NRXN1: variants seen among roughly 807,000 people sequenced by gnomAD.
The protein encoded by NRXN1 is neurexin 1.
NRXN1 carries 39 observed loss-of-function variants against 150.9 expected under a neutral mutation model. The ratio of observed to expected loss-of-function variants is 0.26; its 90% CI spans 0.20 to 0.34. The LOEUF (loss-of-function observed/expected upper bound fraction) is 0.34, where lower values mean the gene tolerates loss of function less well. NRXN1 is among the 10% of genes least tolerant of loss of function. The probability of loss-of-function intolerance (pLI) is 1.00; values close to 1 mark genes in which losing one functional copy is unlikely to be tolerated. For synonymous variants in NRXN1, 924 were observed against 757.0 expected, an observed-to-expected ratio of 1.22 and a Z score of -3.62; for missense variants, 1,815 against 1,949.9, an observed-to-expected ratio of 0.93 and a Z score of 1.30.
At chr2:50,434,568 A>G (rs1310927791) in intron 17 of NRXN1, among the ~76,000 whole-genome samples, 1 of 152,206 alleles carries the variant, frequency 6.6e-6, no homozygotes, top group East Asian at 1.9e-4. Flanking sequence ...GTTTCCTACA[A>G]GCTGGACGCC....
intron 10 of NRXN1, among the ~76,000 whole-genome samples, chr2:50,532,530 C>T (rs1443661092): frequency 1.3e-5 from 2 of 152,094 alleles, no homozygotes; most frequent in Non-Finnish European, 2.9e-5. Context: ...GGAACTGTTA[C>T]TTCCTTTTAA....
At chr2:50,284,771 T>C (rs560032824) in intron 17 of NRXN1, among the ~76,000 whole-genome samples, 1 of 152,170 alleles carries the variant, frequency 6.6e-6, no homozygotes, top group South Asian at 2.1e-4. Context: ...CATACAAAAT[T>C]TATATATTTA....
chr2:50,201,449 T>C (rs1240289331), intron 18 of NRXN1, among the ~76,000 whole-genome samples: 1 of 152,102 alleles, frequency 6.6e-6, no homozygotes, highest in African/African-American at 2.4e-5. Context: ...ACATCAAGTG[T>C]CCCTCAAGGG....
chr2:50,618,823 T>G (rs1297076948), intron 8 of NRXN1, among the ~76,000 whole-genome samples: 4 of 151,552 alleles, frequency 2.6e-5, no homozygotes, highest in Non-Finnish European at 5.9e-5. Flanking sequence ...CTACAGAGCT[T>G]AACACAAACC....
chr2:50,336,735 C>G (rs2077213256), intron 17 of NRXN1, among the ~76,000 whole-genome samples: 1 of 152,138 alleles, frequency 6.6e-6, no homozygotes, highest in African/African-American at 2.4e-5. Context: ...AAATCAATCA[C>G]TCCTTTACTC....
chr2:50,906,368 G>C (rs1368560131), intron 5 of NRXN1, among the ~76,000 whole-genome samples: 1 of 151,936 alleles, frequency 6.6e-6, no homozygotes, highest in African/African-American at 2.4e-5. Flanking sequence ...TGAAAATCTG[G>C]GAAGCAGTCT....
chr2:50,481,899 G>A (rs2090493954), intron 15 of NRXN1, among the ~76,000 whole-genome samples: 1 of 142,536 alleles, frequency 7.0e-6, no homozygotes, highest in African/African-American at 2.8e-5. Flanking sequence ...CCAAGTAGCT[G>A]GGACTACAGG....
chr2:50,181,731 A>C (rs1441991206), intron 18 of NRXN1, among the ~76,000 whole-genome samples: 1 of 152,130 alleles, frequency 6.6e-6, no homozygotes, highest in East Asian at 1.9e-4. Context: ...ATGGATAAGA[A>C]AAACATTTTC....
chr2:50,985,906 G>C (rs953205242), intron 2 of NRXN1, among the ~76,000 whole-genome samples: 5 of 151,588 alleles, frequency 3.3e-5, no homozygotes, highest in African/African-American at 4.8e-5. Context: ...TCAATAGCTA[G>C]ATTATATAAA....
intron 5 of NRXN1, among the ~76,000 whole-genome samples, chr2:50,682,237 C>A (rs76873524): frequency 0.05 from 7,569 of 152,236 alleles, 228 homozygotes; most frequent in Admixed American, 0.08. Context: ...ATTACCCAGA[C>A]GGAAGATGAT....
chr2:50,098,766 C>G (rs1333373464), intron 18 of NRXN1, among the ~76,000 whole-genome samples: 3 of 142,164 alleles, frequency 2.1e-5, no homozygotes, highest in Non-Finnish European at 4.6e-5. Context: ...GAAACTAAGG[C>G]ACCCTTAGAG....
At chr2:50,643,469 GC>G (rs1394376390) in intron 5 of NRXN1, among the ~76,000 whole-genome samples, 1 of 151,776 alleles carries the variant, frequency 6.6e-6, no homozygotes, top group Non-Finnish European at 1.5e-5. Context: ...ATGGCAAGCT[GC>G]TTTTATTTCT....
intron 16 of NRXN1, chr2:50,466,392 T>A (rs2088851840): frequency 7.0e-6 from 3 of 430,236 alleles, no homozygotes; most frequent in South Asian, 5.3e-5. Context: ...ATGTAAAATA[T>A]GTTATTTTAG....
At chr2:50,010,858 A>G (rs1289561669) in intron 21 of NRXN1, among the ~76,000 whole-genome samples, 1 of 152,190 alleles carries the variant, frequency 6.6e-6, no homozygotes. Flanking sequence ...TTTCCATGTT[A>G]TCAATGCTAA....
chr2:50,865,615 T>TGTGTGTGTGTGTGTGTG (rs1559368400), intron 5 of NRXN1, among the ~76,000 whole-genome samples: 2 of 138,496 alleles, frequency 1.4e-5, no homozygotes, highest in East Asian at 2.2e-4. Flanking sequence ...TGTGTGTGTG[T>TGTGTGTGTGTGTGTGTG]AGTAGCACCT....
chr2:50,697,131 G>A (rs1334103584), intron 5 of NRXN1, among the ~76,000 whole-genome samples: 2 of 152,140 alleles, frequency 1.3e-5, no homozygotes, highest in African/African-American at 4.8e-5. Flanking sequence ...GGAAGGGGCA[G>A]ATGGGAAGTG....
At chr2:50,143,757 C>T (rs1707607077) in intron 18 of NRXN1, among the ~76,000 whole-genome samples, 1 of 150,920 alleles carries the variant, frequency 6.6e-6, no homozygotes, top group Non-Finnish European at 1.5e-5. Flanking sequence ...AGATGCTGGC[C>T]ATCTACACTC....
chr2:50,935,162 T>C (rs1395037045), intron 2 of NRXN1, among the ~76,000 whole-genome samples: 1 of 152,178 alleles, frequency 6.6e-6, no homozygotes, highest in Non-Finnish European at 1.5e-5. Context: ...CCTACTATCT[T>C]ATATAATGTA....
intron 17 of NRXN1, among the ~76,000 whole-genome samples, chr2:50,310,777 T>C (rs1002309093): frequency 6.6e-5 from 10 of 152,264 alleles, no homozygotes; most frequent in African/African-American, 2.4e-4. Context: ...ATATCATATA[T>C]ATACTGATTC....
Sources: allele counts gnomAD v4.1 joint callset (sites outside exome capture counted in the v4.1 genomes callset), GRCh38; gene constraint gnomAD v4.1.1; transcripts MANE v1.5; gene names NCBI Gene and HGNC (gene_info 2026-07-23, HGNC 2026-07-21).